Variants in VPS13C observed in about 807,000 individuals in gnomAD.
VPS13C encodes the protein vacuolar protein sorting 13 homolog C, also known as intermembrane lipid transfer protein VPS13C.
A neutral mutation model predicts 456.8 loss-of-function variants in VPS13C; 358 were observed. The observed-to-expected ratio is 0.78, with a 90% CI of 0.72 to 0.86. The LOEUF (loss-of-function observed/expected upper bound fraction) is 0.86. Ranked by LOEUF, VPS13C falls within the 40% of genes least tolerant of loss-of-function variation. VPS13C has a pLI of 0.00. For missense variants in VPS13C, 4,818 were observed against 4,385.4 expected, an observed-to-expected ratio of 1.10 and a Z score of -2.79; for synonymous variants, 1,578 against 1,486.7, an observed-to-expected ratio of 1.06 and a Z score of -1.41.
intron 9 of VPS13C, 95 bp downstream of exon 9, chr15:62,020,384 T>A (rs1382335076): frequency 4.8e-6 from 5 of 1,033,304 alleles, no homozygotes. Context: ...AAATCATAGT[T>A]CTTTGTCGCA....
At chr15:61,921,506 T>C (rs1218031544) in intron 55 of VPS13C, among the ~76,000 whole-genome samples, 1 of 152,090 alleles carries the variant, frequency 6.6e-6, no homozygotes, top group Non-Finnish European at 1.5e-5. Flanking sequence ...AAGAGCTTCA[T>C]TTATGTTTTA....
chr15:61,945,067 G>C (rs897923807), intron 45 of VPS13C, among the ~76,000 whole-genome samples: 1 of 152,160 alleles, frequency 6.6e-6, no homozygotes, highest in Non-Finnish European at 1.5e-5. Flanking sequence ...AGATCTGATG[G>C]TTTTATAAGA....
chr15:61,938,766 C>T (rs899595961), intron 47 of VPS13C, among the ~76,000 whole-genome samples: 1 of 152,112 alleles, frequency 6.6e-6, no homozygotes, highest in Non-Finnish European at 1.5e-5. Context: ...CTTCAGATCT[C>T]GTTTCCCATT....
chr15:61,893,721 C>A (rs909908514), intron 66 of VPS13C, among the ~76,000 whole-genome samples: 3 of 151,690 alleles, frequency 2.0e-5, no homozygotes, highest in African/African-American at 7.3e-5. Context: ...ATTGAGACAA[C>A]AGAATGCCAA....
chr15:61,962,883 T>A, intron 32 of VPS13C, 31 bp from the exon 33 acceptor site: 1 of 1,432,744 alleles, frequency 7.0e-7, no homozygotes, highest in Non-Finnish European at 9.7e-7. Flanking sequence ...TTATAATTTC[T>A]ACAGACCTAC....
intron 29 of VPS13C, 23 bp downstream of exon 29, chr15:61,967,345 T>C (rs374490881): frequency 2.6e-5 from 41 of 1,573,212 alleles, no homozygotes; most frequent in Non-Finnish European, 3.2e-5. Flanking sequence ...ACAATAAATA[T>C]ATAATCATTC....
intron 1 of VPS13C, 65 bp from the exon 2 acceptor site, chr15:62,044,320 G>A: frequency 3.0e-6 from 3 of 1,009,854 alleles, no homozygotes; most frequent in East Asian, 2.8e-5. Context: ...CTATCACAAT[G>A]TAGTACCAAG....
intron 66 of VPS13C, among the ~76,000 whole-genome samples, chr15:61,895,046 C>G (rs566577154): frequency 6.6e-6 from 1 of 152,014 alleles, no homozygotes; most frequent in African/African-American, 2.4e-5. Context: ...TGGAATAAAA[C>G]TAGAAAGCAA....
chr15:61,875,428 A>G (rs1203758567), intron 76 of VPS13C, among the ~76,000 whole-genome samples: 3 of 152,048 alleles, frequency 2.0e-5, no homozygotes, highest in Non-Finnish European at 2.9e-5. Flanking sequence ...CTTTGCTTTC[A>G]GTGCCCTATT....
chr15:62,023,557 A>T lies in VPS13C; in HGVS notation c.515-37T>A, dbSNP rs200556868. 2.4e-5 allele frequency: 34 copies of T among 1,440,896 alleles called. No individual in the cohort carries two copies. The East Asian group carries it at 7.9e-4, about 34-fold the overall frequency. The allele number at this position is 1,440,896 out of a possible 1,614,324, so 89.3% of individuals were successfully genotyped here. On this transcript the variant is annotated intron_variant, in intron 7 of 84. Coordinates refer to ENST00000644861, the MANE Select transcript of VPS13C (RefSeq NM_020821.3). ...TAGAAAAATACAAGCTCAAGAGTTG[A>T]AATTCTCATATACCTCAAAATTAAT...
chr15:61,923,349 C>T (rs2043725383), intron 53 of VPS13C, among the ~76,000 whole-genome samples: 1 of 151,964 alleles, frequency 6.6e-6, no homozygotes, highest in South Asian at 2.1e-4. Context: ...TCTTTGCTCA[C>T]TTCCCTCACT....
chr15:61,897,446 G>A (rs952959386), intron 66 of VPS13C, among the ~76,000 whole-genome samples: 3 of 152,160 alleles, frequency 2.0e-5, no homozygotes, highest in South Asian at 2.1e-4. Context: ...CGAGAACTAC[G>A]TGAAGAATGC....
Position 61,964,868 on chromosome 15 carries a change from A to T in VPS13C, c.3052-7T>A, listed in dbSNP as rs746427574. On this transcript the variant is annotated splice_region_variant and splice_polypyrimidine_tract_variant and intron_variant, in intron 30 of 84. Transcript: ENST00000644861. ...TTAAAGATGAAAAGGCCACCTAAAA[A>T]TGTTTTAAAGAGAAAATTAGTTTTC... 1 of 1,595,352 alleles carries T rather than the reference A, an allele frequency of 6.3e-7. No individual in the cohort carries two copies.
intron 1 of VPS13C, 89 bp from the exon 2 acceptor site, chr15:62,044,344 G>A (rs2048338988): frequency 2.6e-6 from 2 of 757,374 alleles, no homozygotes; most frequent in Admixed American, 3.4e-5. Flanking sequence ...TAAGAAACTG[G>A]GCTAAGTGCT....
chr15:61,862,730 C>G (rs920797472), intron 82 of VPS13C, among the ~76,000 whole-genome samples: 1 of 152,102 alleles, frequency 6.6e-6, no homozygotes, highest in Admixed American at 6.5e-5. Context: ...TCTGACATGA[C>G]TGGTTAACCT....
chr15:61,990,527 G>C (rs1454913529), intron 18 of VPS13C, among the ~76,000 whole-genome samples: 2 of 151,966 alleles, frequency 1.3e-5, no homozygotes, highest in East Asian at 3.9e-4. Flanking sequence ...TCTAAAGTTG[G>C]AGGCTGGGCA....
rs28795163 is a variant in VPS13C, at chr15:61,871,191, G to C, written c.10624+798C>G. On this transcript the variant is annotated intron_variant, in intron 79 of 84. Coordinates refer to ENST00000644861, the MANE Select transcript of VPS13C (RefSeq NM_020821.3). ...GTTTTGCCTAATCCAAAGTCATGAAGATTGACTCCTATATTTTCCTCTGAG... is the reference window on the plus strand; with the variant it reads ...GTTTTGCCTAATCCAAAGTCATGAACATTGACTCCTATATTTTCCTCTGAG... Among the ~76,000 whole-genome samples, 286 of 152,146 alleles carry C rather than the reference G, an allele frequency of 1.9e-3. 1 individual carries two copies. Among genetic ancestry groups the C allele is most frequent in the African/African-American group, 6.5e-3 (269 of 41,512 alleles).
Position 61,967,449 on chromosome 15 carries a change from T to C in VPS13C, c.2912-2A>G. 1 of 1,572,996 alleles carries C rather than the reference T, an allele frequency of 6.4e-7. No homozygotes were observed. Among genetic ancestry groups the C allele is most frequent in the Non-Finnish European group, 8.6e-7 (1 of 1,159,866 alleles). On this transcript the variant is annotated splice_acceptor_variant, in intron 28 of 84. Transcript: ENST00000644861. LOFTEE classifies it high-confidence loss of function. ...AGTGAAGGGGCTTCCTTTTGGATCCTAGATTAAAGAAAAAGGAAAAAAAAG... is the reference window on the plus strand; with the variant it reads ...AGTGAAGGGGCTTCCTTTTGGATCCCAGATTAAAGAAAAAGGAAAAAAAAG...
chr15:61,995,451 CTAAACAA>C (rs2046351431), intron 16 of VPS13C, among the ~76,000 whole-genome samples: 1 of 152,098 alleles, frequency 6.6e-6, no homozygotes, highest in African/African-American at 2.4e-5. Flanking sequence ...CAACTAGTTT[CTAAACAA>C]TAAAGTATGG....
Sources: gnomAD v4.1 joint callset for allele counts (sites outside exome capture counted in the v4.1 genomes callset) on GRCh38, gnomAD v4.1.1 for gene constraint, MANE v1.5 for transcripts, NCBI Gene and HGNC (gene_info 2026-07-23, HGNC 2026-07-21) for gene names.